The following APBA2 variants were observed in gnomAD, a reference collection of about 807,000 sequenced individuals.
The protein encoded by APBA2 is amyloid-beta A4 precursor protein-binding family A member 2.
A neutral mutation model predicts 75.0 loss-of-function variants in APBA2; 30 were observed. The ratio of observed to expected loss-of-function variants is 0.40; its 90% CI spans 0.30 to 0.54. The LOEUF is 0.54. Ranked by LOEUF, APBA2 falls within the 20% of genes least tolerant of loss-of-function variation. The pLI is 0.49. For synonymous variants in APBA2, 444 were observed against 409.6 expected, an observed-to-expected ratio of 1.08 and a Z score of -1.01; for missense variants, 801 against 1,016.1, an observed-to-expected ratio of 0.79 and a Z score of 2.88.
intron 1 of APBA2, among the ~76,000 whole-genome samples, chr15:28,897,821 G>A (rs951337890): frequency 4.6e-5 from 7 of 152,084 alleles, no homozygotes; most frequent in African/African-American, 1.7e-4. Context: ...AGTGAAATGG[G>A]CATATGGGCA....
At chr15:29,001,146 C>T (rs2038822595) in intron 3 of APBA2, among the ~76,000 whole-genome samples, 1 of 152,180 alleles carries the variant, frequency 6.6e-6, no homozygotes, top group African/African-American at 2.4e-5. Flanking sequence ...CAGCCCAGTG[C>T]CTCATGTACA....
intron 2 of APBA2, among the ~76,000 whole-genome samples, chr15:28,936,844 G>A (rs1030201818): frequency 1.8e-4 from 28 of 152,196 alleles, no homozygotes; most frequent in African/African-American, 6.8e-4. Context: ...GCCCTGCTGG[G>A]ACAGACAGGA....
chr15:28,901,648 A>C (rs930677293), intron 1 of APBA2, among the ~76,000 whole-genome samples: 3 of 151,958 alleles, frequency 2.0e-5, no homozygotes, highest in African/African-American at 7.3e-5. Flanking sequence ...TCCTGGATGC[A>C]GCCCCTTCTC....
intron 3 of APBA2, among the ~76,000 whole-genome samples, chr15:29,013,141 A>AT (rs142863229): frequency 1.3e-4 from 20 of 150,162 alleles, no homozygotes; most frequent in Non-Finnish European, 7.4e-5. Context: ...CAGACATAAT[A>AT]TTTTTTTTTA....
intron 2 of APBA2, among the ~76,000 whole-genome samples, chr15:28,944,560 C>T (rs144288064): frequency 6.6e-6 from 1 of 152,336 alleles, no homozygotes; most frequent in African/African-American, 2.4e-5. Context: ...CCATCTGTTT[C>T]TTAGAGTCGA....
At chr15:28,964,488 A>ATT (rs34136396) in intron 2 of APBA2, among the ~76,000 whole-genome samples, 16 of 138,132 alleles carry the variant, frequency 1.2e-4, no homozygotes, top group Non-Finnish European at 1.3e-4. Context: ...ACTTTTGCTC[A>ATT]TTTTTTTTTT....
intron 2 of APBA2, among the ~76,000 whole-genome samples, chr15:28,927,837 C>A (rs2034355318): frequency 6.6e-6 from 1 of 151,808 alleles, no homozygotes; most frequent in Non-Finnish European, 1.5e-5. Context: ...AGGCATTCTT[C>A]ATTTCTGTTA....
chr15:29,073,255 G>A (rs754422915), intron 4 of APBA2, among the ~76,000 whole-genome samples: 3 of 152,198 alleles, frequency 2.0e-5, no homozygotes, highest in Non-Finnish European at 1.5e-5. Flanking sequence ...CCCAACACTT[G>A]GGGTCTCAGT....
At chr15:28,911,801 G>C (rs996627049) in intron 1 of APBA2, among the ~76,000 whole-genome samples, 7 of 152,220 alleles carry the variant, frequency 4.6e-5, no homozygotes, top group Non-Finnish European at 8.8e-5. Flanking sequence ...GCAGATTATA[G>C]GTTTATGTTA....
At chr15:29,111,031 CA>C (rs1463337545) in intron 13 of APBA2, among the ~76,000 whole-genome samples, 2 of 152,000 alleles carry the variant, frequency 1.3e-5, no homozygotes, top group South Asian at 2.1e-4. Context: ...CTCAGAAGAT[CA>C]GGGGGTGCAG....
intron 2 of APBA2, among the ~76,000 whole-genome samples, chr15:28,955,546 A>G (rs16954826): frequency 0.031 from 4,657 of 152,284 alleles, 253 homozygotes; most frequent in African/African-American, 0.11. Context: ...TGTTCAAGAA[A>G]TGTTATTGTA....
chr15:29,009,015 A>G (rs945540090), intron 3 of APBA2, among the ~76,000 whole-genome samples: 6 of 152,216 alleles, frequency 3.9e-5, no homozygotes, highest in East Asian at 1.9e-4. Flanking sequence ...ATGCTGGACT[A>G]TGGAATGTGA....
intron 2 of APBA2, among the ~76,000 whole-genome samples, chr15:28,965,352 A>T (rs1321183116): frequency 3.9e-5 from 6 of 152,138 alleles, no homozygotes; most frequent in Admixed American, 3.9e-4. Context: ...CCCTTTGCCT[A>T]TATCACACTG....
chr15:28,898,824 ATAAT>A (rs888580644), intron 1 of APBA2, among the ~76,000 whole-genome samples: 11 of 152,232 alleles, frequency 7.2e-5, no homozygotes, highest in Non-Finnish European at 1.2e-4. Flanking sequence ...TTAATGTGAG[ATAAT>A]TAGATTTTGC....
At chr15:29,068,161 G>T (rs1276491306) in intron 4 of APBA2, among the ~76,000 whole-genome samples, 1 of 152,210 alleles carries the variant, frequency 6.6e-6, no homozygotes, top group Non-Finnish European at 1.5e-5. Context: ...AAGCCTTCTG[G>T]GAGAACTGCA....
chr15:29,007,113 A>G (rs924255134), intron 3 of APBA2, among the ~76,000 whole-genome samples: 1 of 152,220 alleles, frequency 6.6e-6, no homozygotes, highest in African/African-American at 2.4e-5. Flanking sequence ...CCTGACATAT[A>G]TGGGCAAATG....
chr15:28,928,142 T>TA (rs71132859), intron 2 of APBA2, among the ~76,000 whole-genome samples: 110,838 of 131,452 alleles, frequency 0.84, 47,440 homozygotes, highest in Non-Finnish European at 0.93. Flanking sequence ...AGACTCCATC[T>TA]AAAAAAAAAA....
chr15:29,001,353 G>A (rs2152801948), intron 3 of APBA2, among the ~76,000 whole-genome samples: 1 of 152,288 alleles, frequency 6.6e-6, no homozygotes, highest in South Asian at 2.1e-4. Context: ...TAGGACTACA[G>A]GTGAGTGCCA....
chr15:29,109,975 G>A (rs1477932859), intron 13 of APBA2, among the ~76,000 whole-genome samples: 2 of 152,208 alleles, frequency 1.3e-5, no homozygotes, highest in Admixed American at 6.5e-5. Context: ...GCAGGAGCTC[G>A]CCAGCTGGTG....
Sources: gnomAD v4.1 joint callset for allele counts (sites outside exome capture counted in the v4.1 genomes callset) on GRCh38, gnomAD v4.1.1 for gene constraint, MANE v1.5 for transcripts, NCBI Gene and HGNC (gene_info 2026-07-23, HGNC 2026-07-21) for gene names.